The following SIPA1L1 variants were observed in gnomAD, a reference collection of about 807,000 sequenced individuals.
SIPA1L1 encodes signal-induced proliferation-associated 1-like protein 1.
SIPA1L1 carries 26 observed loss-of-function variants against 162.7 expected under a neutral mutation model. The ratio of observed to expected loss-of-function variants is 0.16; its 90% CI spans 0.12 to 0.22. The LOEUF is 0.22. SIPA1L1 is among the 10% of genes least tolerant of loss of function. SIPA1L1 has a pLI of 1.00. For synonymous variants in SIPA1L1, 829 were observed against 837.4 expected (o/e 0.99, Z 0.17); for missense variants, 1,874 against 2,241.0 (o/e 0.84, Z 3.31).
intron 2 of SIPA1L1, among the ~76,000 whole-genome samples, chr14:71,353,717 A>T (rs193442): frequency 6.6e-6 from 1 of 151,812 alleles, no homozygotes; most frequent in African/African-American, 2.4e-5. Context: ...TAGGTTTTCA[A>T]TGTGAAGCTG....
chr14:71,456,731 T>C (rs1480254750), intron 2 of SIPA1L1, among the ~76,000 whole-genome samples: 1 of 152,228 alleles, frequency 6.6e-6, no homozygotes, highest in Non-Finnish European at 1.5e-5. Context: ...TTTTTAATTT[T>C]TCAGTCTTTA....
chr14:71,626,173 TA>T (rs1410945114), intron 7 of SIPA1L1, among the ~76,000 whole-genome samples: 3 of 152,234 alleles, frequency 2.0e-5, no homozygotes, highest in African/African-American at 4.8e-5. Flanking sequence ...TTTTCTTTAA[TA>T]TCTTTACTAG....
intron 17 of SIPA1L1, among the ~76,000 whole-genome samples, chr14:71,723,258 T>A (rs1431786019): frequency 6.6e-6 from 1 of 151,980 alleles, no homozygotes; most frequent in Admixed American, 6.6e-5. Context: ...ATCACCACAA[T>A]CCCTAGTTGT....
intron 2 of SIPA1L1, among the ~76,000 whole-genome samples, chr14:71,326,966 C>A (rs2140212625): frequency 6.6e-6 from 1 of 152,012 alleles, no homozygotes; most frequent in Non-Finnish European, 1.5e-5. Context: ...CCCGCCTTGG[C>A]CTCCCAAAGT....
chr14:71,619,139 A>C (rs1368328266), intron 6 of SIPA1L1, among the ~76,000 whole-genome samples: 1 of 152,158 alleles, frequency 6.6e-6, no homozygotes, highest in African/African-American at 2.4e-5. Flanking sequence ...AGATATGTCC[A>C]TTAAGTGTGG....
chr14:71,557,618 A>G (rs983077099), intron 4 of SIPA1L1, among the ~76,000 whole-genome samples: 4 of 152,206 alleles, frequency 2.6e-5, no homozygotes, highest in African/African-American at 9.7e-5. Flanking sequence ...TTGCGAAAGT[A>G]CCTTATTGAA....
chr14:71,564,385 T>C (rs2029870502), intron 4 of SIPA1L1, among the ~76,000 whole-genome samples: 1 of 150,946 alleles, frequency 6.6e-6, no homozygotes, highest in South Asian at 2.1e-4. Flanking sequence ...TTTTTAAACA[T>C]ACATGGAGGT....
chr14:71,439,773 T>C (rs1410399539), intron 2 of SIPA1L1, among the ~76,000 whole-genome samples: 1 of 152,232 alleles, frequency 6.6e-6, no homozygotes, highest in African/African-American at 2.4e-5. Context: ...TTTAAAAGAT[T>C]TTTGTTGAAT....
chr14:71,619,595 C>A (rs1014029777), intron 6 of SIPA1L1, among the ~76,000 whole-genome samples: 3 of 151,740 alleles, frequency 2.0e-5, no homozygotes, highest in Non-Finnish European at 1.5e-5. Context: ...TGAGGTTCTC[C>A]TTTTTCTTTG....
At chr14:71,655,824 T>TTTTC (rs1302455073) in intron 8 of SIPA1L1, among the ~76,000 whole-genome samples, 1 of 152,214 alleles carries the variant, frequency 6.6e-6, no homozygotes, top group Admixed American at 6.5e-5. Flanking sequence ...CTGTTTGTTT[T>TTTTC]TTTCTTGTTG....
At chr14:71,384,847 A>G (rs2040193136) in intron 2 of SIPA1L1, among the ~76,000 whole-genome samples, 1 of 152,104 alleles carries the variant, frequency 6.6e-6, no homozygotes, top group Non-Finnish European at 1.5e-5. Context: ...TCTCCTTCAG[A>G]TCGGTAGGGA....
intron 4 of SIPA1L1, among the ~76,000 whole-genome samples, chr14:71,583,936 A>G (rs1336977439): frequency 1.3e-5 from 2 of 152,140 alleles, no homozygotes; most frequent in Non-Finnish European, 2.9e-5. Flanking sequence ...GCCTTTGTTC[A>G]GCTGCACAGA....
intron 2 of SIPA1L1, among the ~76,000 whole-genome samples, chr14:71,399,210 T>G (rs761791883): frequency 2.6e-5 from 4 of 152,242 alleles, no homozygotes; most frequent in Non-Finnish European, 5.9e-5. Flanking sequence ...TTTTGTTTTG[T>G]CACTAACCAA....
At chr14:71,714,164 G>C (rs2083087588) in intron 17 of SIPA1L1, among the ~76,000 whole-genome samples, 1 of 152,156 alleles carries the variant, frequency 6.6e-6, no homozygotes, top group South Asian at 2.1e-4. Context: ...AGAACTCCAG[G>C]TGATTTGGCC....
At chr14:71,447,274 C>T (rs951267254) in intron 2 of SIPA1L1, among the ~76,000 whole-genome samples, 2 of 152,046 alleles carry the variant, frequency 1.3e-5, no homozygotes, top group African/African-American at 4.8e-5. Flanking sequence ...TAATAAAGAA[C>T]AAAGCTTGAA....
At chr14:71,496,152 T>G (rs1431923511) in intron 2 of SIPA1L1, among the ~76,000 whole-genome samples, 1 of 151,926 alleles carries the variant, frequency 6.6e-6, no homozygotes, top group Admixed American at 6.6e-5. Context: ...GTTGTATTTT[T>G]GTTTTTATTC....
At chr14:71,371,633 C>T (rs1005236676) in intron 2 of SIPA1L1, among the ~76,000 whole-genome samples, 1 of 152,132 alleles carries the variant, frequency 6.6e-6, no homozygotes, top group Non-Finnish European at 1.5e-5. Flanking sequence ...CTCCTGAGCT[C>T]AAGTGATCCA....
At chr14:71,645,434 A>G (rs1339294825) in intron 7 of SIPA1L1, among the ~76,000 whole-genome samples, 2 of 152,226 alleles carry the variant, frequency 1.3e-5, no homozygotes, top group African/African-American at 2.4e-5. Context: ...AAAAGACACA[A>G]AGTTCATCTT....
intron 2 of SIPA1L1, among the ~76,000 whole-genome samples, chr14:71,327,080 C>A (rs966356585): frequency 2.3e-5 from 3 of 127,730 alleles, no homozygotes. Flanking sequence ...TGATTGAAAT[C>A]TTTTTTTTTT....
Sources: gnomAD v4.1 joint callset for allele counts (sites outside exome capture counted in the v4.1 genomes callset) on GRCh38, gnomAD v4.1.1 for gene constraint, MANE v1.5 for transcripts, NCBI Gene and HGNC (gene_info 2026-07-23, HGNC 2026-07-21) for gene names.